RBFOX1: variants seen among roughly 807,000 people sequenced by gnomAD.
RBFOX1 encodes the protein RNA binding protein fox-1 homolog 1.
In RBFOX1, 8 loss-of-function variants were observed where a neutral mutation model predicts 57.7. The observed-to-expected ratio is 0.14, with a 90% CI of 0.08 to 0.25. The LOEUF is 0.25. Among genes scored for constraint, RBFOX1 ranks in the 10% least tolerant of loss-of-function variants. RBFOX1 has a pLI of 1.00. For missense variants in RBFOX1, 611 were observed against 548.5 expected (o/e 1.11, Z -1.14); for synonymous variants, 326 against 222.4 (o/e 1.47, Z -4.15).
chr16:6,625,910 C>G (rs984730390), intron 2 of RBFOX1, among the ~76,000 whole-genome samples: 6 of 152,104 alleles, frequency 3.9e-5, no homozygotes, highest in Non-Finnish European at 7.4e-5. Context: ...TAGCTCTGAT[C>G]CCATGTAAAG....
chr16:6,827,278 G>C (rs1300871891), intron 3 of RBFOX1, among the ~76,000 whole-genome samples: 1 of 151,756 alleles, frequency 6.6e-6, no homozygotes, highest in Non-Finnish European at 1.5e-5. Context: ...GCAAAGGGTT[G>C]AAAGTGCTGT....
At chr16:5,708,575 C>G (rs184256706) in intron 3 of RBFOX1, among the ~76,000 whole-genome samples, 1 of 152,294 alleles carries the variant, frequency 6.6e-6, no homozygotes, top group Admixed American at 6.5e-5. Flanking sequence ...AAGCAGCTGA[C>G]CCCCACCACC....
chr16:6,815,956 A>G (rs576229873), intron 3 of RBFOX1, among the ~76,000 whole-genome samples: 1 of 152,350 alleles, frequency 6.6e-6, no homozygotes, highest in African/African-American at 2.4e-5. Flanking sequence ...GATCTTTAAG[A>G]GTATTAATAT....
At chr16:6,108,766 G>A (rs2096411247) in intron 1 of RBFOX1, among the ~76,000 whole-genome samples, 2 of 152,044 alleles carry the variant, frequency 1.3e-5, no homozygotes, top group African/African-American at 4.8e-5. Context: ...GCCCTTGACT[G>A]GCTTGTGGCC....
chr16:6,980,539 C>G (rs1191920088), intron 3 of RBFOX1, among the ~76,000 whole-genome samples: 15 of 152,112 alleles, frequency 9.9e-5, no homozygotes, highest in Admixed American at 8.5e-4. Flanking sequence ...GTTTTCCAAG[C>G]TAACATTTGA....
rs574775579 is a variant in RBFOX1, at chr16:7,629,412, G to C, written c.677-1191G>C. Among the ~76,000 whole-genome samples the C allele has an allele frequency of 2.0e-5, 3 of 152,252 alleles. No individual in the cohort carries two copies. In the South Asian group the frequency reaches 6.2e-4, roughly 32 times the overall value. On this transcript the variant is annotated intron_variant, in intron 10 of 15. Coordinates refer to ENST00000550418, the MANE Select transcript of RBFOX1 (RefSeq NM_018723.4). Reference sequence around the variant, plus strand: ...TATAGAAAAGTTCCCTGTTCTGCGGGTGCACTTGTAAGGTTGGCTTCTTAT... The same window carrying C: ...TATAGAAAAGTTCCCTGTTCTGCGGCTGCACTTGTAAGGTTGGCTTCTTAT...
intron 1 of RBFOX1, among the ~76,000 whole-genome samples, chr16:6,036,527 G>T (rs2095367859): frequency 6.6e-6 from 1 of 152,102 alleles, no homozygotes. Context: ...TAGTTTTTAA[G>T]TCATCTCCTG....
intron 2 of RBFOX1, among the ~76,000 whole-genome samples, chr16:6,362,413 T>C (rs544397700): frequency 6.6e-6 from 1 of 152,262 alleles, no homozygotes; most frequent in African/African-American, 2.4e-5. Context: ...TGAATGTACA[T>C]AAATAATACA....
chr16:6,666,021 G>A (rs959357907), intron 3 of RBFOX1, among the ~76,000 whole-genome samples: 6 of 152,052 alleles, frequency 3.9e-5, no homozygotes, highest in Admixed American at 2.0e-4. Context: ...TAAGTCTCCC[G>A]AGATCTGATG....
chr16:6,209,494 C>A (rs995922194), intron 1 of RBFOX1, among the ~76,000 whole-genome samples: 1 of 152,186 alleles, frequency 6.6e-6, no homozygotes, highest in African/African-American at 2.4e-5. Flanking sequence ...GTAACCTCTC[C>A]GGTATCAGGG....
chr16:6,403,583 G>A (rs2093163798), intron 2 of RBFOX1, among the ~76,000 whole-genome samples: 1 of 152,028 alleles, frequency 6.6e-6, no homozygotes, highest in African/African-American at 2.4e-5. Context: ...TCAAACTCCT[G>A]GGCTCATGGG....
intron 6 of RBFOX1, among the ~76,000 whole-genome samples, chr16:7,586,783 C>T (rs1009932910): frequency 5.9e-5 from 9 of 152,194 alleles, no homozygotes; most frequent in African/African-American, 2.2e-4. Context: ...CTTTCTTGCT[C>T]ATATGATAGA....
At chr16:6,711,370 C>T (rs555048099) in intron 3 of RBFOX1, among the ~76,000 whole-genome samples, 1 of 152,286 alleles carries the variant, frequency 6.6e-6, no homozygotes. Context: ...CCAACTTTGT[C>T]ATCTGGTATC....
intron 2 of RBFOX1, among the ~76,000 whole-genome samples, chr16:6,532,414 C>T (rs758225844): frequency 6.6e-6 from 1 of 152,136 alleles, no homozygotes; most frequent in African/African-American, 2.4e-5. Context: ...CAGGGTGGCC[C>T]TCAGAGACCA....
At chr16:7,628,470 G>C (rs1008363451) in intron 10 of RBFOX1, among the ~76,000 whole-genome samples, 19 of 152,114 alleles carry the variant, frequency 1.2e-4, no homozygotes, top group African/African-American at 4.6e-4. Context: ...CTGGTAGGTA[G>C]CTTGCCTCCC....
intron 4 of RBFOX1, among the ~76,000 whole-genome samples, chr16:5,887,346 C>T (rs866871647): frequency 6.6e-6 from 1 of 152,144 alleles, no homozygotes; most frequent in Non-Finnish European, 1.5e-5. Context: ...CCCCAAAGAC[C>T]ATAGTACTGC....
chr16:6,751,708 G>A (rs1273062350), intron 3 of RBFOX1, among the ~76,000 whole-genome samples: 2 of 152,138 alleles, frequency 1.3e-5, no homozygotes, highest in Non-Finnish European at 2.9e-5. Flanking sequence ...CAGTATACAA[G>A]CAGATAGAGC....
At chr16:5,729,863 A>G (rs1325952368) in intron 3 of RBFOX1, among the ~76,000 whole-genome samples, 2 of 152,144 alleles carry the variant, frequency 1.3e-5, no homozygotes, top group African/African-American at 4.8e-5. Flanking sequence ...GGCTATTTTG[A>G]GGGAGGCAAA....
chr16:7,130,595 A>G (rs554276855), intron 4 of RBFOX1, among the ~76,000 whole-genome samples: 3 of 152,288 alleles, frequency 2.0e-5, no homozygotes, highest in African/African-American at 7.2e-5. Context: ...ATGTGTGTTG[A>G]TAAGCATATG....
Sources: allele counts gnomAD v4.1 joint callset (sites outside exome capture counted in the v4.1 genomes callset), GRCh38; gene constraint gnomAD v4.1.1; transcripts MANE v1.5; gene names NCBI Gene and HGNC (gene_info 2026-07-23, HGNC 2026-07-21).